Variants in STAG1 observed in about 807,000 individuals in gnomAD.
The protein encoded by STAG1 is STAG1 cohesin complex component.
A neutral mutation model predicts 170.9 loss-of-function variants in STAG1; 26 were observed. The ratio of observed to expected loss-of-function variants is 0.15; its 90% confidence interval spans 0.11 to 0.21. The LOEUF (loss-of-function observed/expected upper bound fraction) is 0.21. STAG1 is among the 10% of genes least tolerant of loss of function. The pLI, the probability that STAG1 is intolerant of heterozygous loss-of-function variation, is 1.00. For synonymous variants in STAG1, 514 were observed against 497.7 expected, an observed-to-expected ratio of 1.03 and a Z score of -0.44; for missense variants, 964 against 1,509.5, an observed-to-expected ratio of 0.64 and a Z score of 5.99.
chr3:136,737,090 A>T, intron 1 of STAG1: 1 of 960,642 alleles, frequency 1.0e-6, no homozygotes, highest in Admixed American at 1.7e-5. Flanking sequence ...AGTAAGAGGA[A>T]CCAGGACAGG....
intron 10 of STAG1, among the ~76,000 whole-genome samples, chr3:136,473,950 G>C (rs2089684347): frequency 6.6e-6 from 1 of 152,052 alleles, no homozygotes; most frequent in Non-Finnish European, 1.5e-5. Context: ...CTATAATTAG[G>C]GAAAAGTATG....
At chr3:136,573,123 G>C (rs867314902) in intron 4 of STAG1, among the ~76,000 whole-genome samples, 9 of 151,564 alleles carry the variant, frequency 5.9e-5, no homozygotes, top group Middle Eastern at 3.4e-3. Context: ...AGGTTGCAAT[G>C]AACTGTGATC....
chr3:136,475,751 C>T (rs2089733178), intron 10 of STAG1, among the ~76,000 whole-genome samples: 1 of 152,130 alleles, frequency 6.6e-6, no homozygotes, highest in South Asian at 2.1e-4. Flanking sequence ...CTGGAGGGAG[C>T]AGAGCAAATA....
At chr3:136,703,857 AAAT>A (rs2107911079) in intron 1 of STAG1, among the ~76,000 whole-genome samples, 1 of 151,856 alleles carries the variant, frequency 6.6e-6, no homozygotes, top group South Asian at 2.1e-4. Context: ...TAAAAATACA[AAAT>A]AATTAGCCAG....
chr3:136,499,039 T>C (rs1304818509), intron 9 of STAG1, among the ~76,000 whole-genome samples: 1 of 152,210 alleles, frequency 6.6e-6, no homozygotes, highest in Non-Finnish European at 1.5e-5. Flanking sequence ...GTAATCTGCA[T>C]ATTCAACAAG....
intron 1 of STAG1, among the ~76,000 whole-genome samples, chr3:136,704,583 T>C (rs1346764752): frequency 1.3e-5 from 2 of 151,628 alleles, no homozygotes; most frequent in African/African-American, 2.4e-5. Context: ...ATCCCAGCAC[T>C]TTGGGAGGCC....
chr3:136,708,779 G>C (rs1250713406), intron 1 of STAG1, among the ~76,000 whole-genome samples: 1 of 151,848 alleles, frequency 6.6e-6, no homozygotes, highest in East Asian at 1.9e-4. Context: ...CATCCCATTC[G>C]TCAACAAGTT....
chr3:136,405,566 A>G (rs1028844316), intron 21 of STAG1, among the ~76,000 whole-genome samples: 8 of 151,676 alleles, frequency 5.3e-5, no homozygotes, highest in African/African-American at 1.9e-4. Context: ...ATTAGGAAAA[A>G]TATGTTAGGC....
chr3:136,673,144 T>C (rs1005819109), intron 1 of STAG1, among the ~76,000 whole-genome samples: 11 of 152,234 alleles, frequency 7.2e-5, no homozygotes, highest in African/African-American at 9.6e-5. Flanking sequence ...TTCAAAGAAA[T>C]AGGGTAAACC....
chr3:136,467,752 G>C (rs1376209521), intron 12 of STAG1, among the ~76,000 whole-genome samples: 1 of 152,046 alleles, frequency 6.6e-6, no homozygotes, highest in Non-Finnish European at 1.5e-5. Context: ...TGACCACATA[G>C]TTGGAAGTAA....
Position 136,344,309 on chromosome 3 carries a change from T to C in STAG1, c.3272-303A>G, listed in dbSNP as rs116299191. ...TCATCTCTTTAAGTCCCTCCATCTC[T>C]AAAGATTCATTCATCCTAGAAGGGG... is the stretch of plus-strand genomic sequence containing the variant. On this transcript the variant is annotated intron_variant, in intron 29 of 33. Transcript: ENST00000383202. Among the ~76,000 whole-genome samples the C allele has an allele frequency of 5.7e-3, 863 of 152,268 alleles. 7 individuals are homozygous for C. Among genetic ancestry groups the C allele is most frequent in the African/African-American group, 0.019 (805 of 41,562 alleles).
chr3:136,473,525 T>G lies in STAG1; in HGVS notation c.1125+14A>C. The stretch of plus-strand genomic sequence containing the variant: ...AGAGAAAAATTAAATAAGCTTATCA[T>G]TCTTGATGCTTACCTTGAATCGGTT... On this transcript the variant is annotated intron_variant, in intron 11 of 33. Coordinates refer to ENST00000383202, the MANE Select transcript of STAG1 (RefSeq NM_005862.3). 1 of 1,568,778 alleles carries G rather than the reference T, an allele frequency of 6.4e-7. No individual in the cohort carries two copies. Among genetic ancestry groups the G allele is most frequent in the Non-Finnish European group, 8.7e-7 (1 of 1,144,900 alleles).
intron 3 of STAG1, among the ~76,000 whole-genome samples, chr3:136,607,221 T>C (rs1939831460): frequency 6.6e-6 from 1 of 152,182 alleles, no homozygotes; most frequent in Admixed American, 6.5e-5. Flanking sequence ...TCACTATGTA[T>C]AGCCCACATT....
chr3:136,517,787 A>C (rs987148712), intron 7 of STAG1, among the ~76,000 whole-genome samples: 1 of 152,100 alleles, frequency 6.6e-6, no homozygotes, highest in Non-Finnish European at 1.5e-5. Flanking sequence ...AGCTATTTCA[A>C]ATAAAAATAA....
intron 4 of STAG1, among the ~76,000 whole-genome samples, chr3:136,583,090 G>T (rs1937628929): frequency 6.6e-6 from 1 of 152,084 alleles, no homozygotes; most frequent in African/African-American, 2.4e-5. Flanking sequence ...ATATTGAAAT[G>T]AATTATTTTG....
chr3:136,415,764 G>A (rs947978385), intron 21 of STAG1, among the ~76,000 whole-genome samples: 10 of 152,198 alleles, frequency 6.6e-5, no homozygotes, highest in Non-Finnish European at 2.9e-5. Context: ...GGAGGTCACA[G>A]TGAGCTGAGA....
At chr3:136,365,107 T>G (rs906969249) in intron 25 of STAG1, among the ~76,000 whole-genome samples, 2 of 152,190 alleles carry the variant, frequency 1.3e-5, no homozygotes, top group Non-Finnish European at 2.9e-5. Flanking sequence ...TGAATAGAAG[T>G]GTCCCTGAAA....
chr3:136,510,745 G>C (rs1234514739), intron 7 of STAG1, among the ~76,000 whole-genome samples: 4 of 151,740 alleles, frequency 2.6e-5, no homozygotes, highest in Non-Finnish European at 4.4e-5. Context: ...CAGAGTAGCT[G>C]GGATTACAGG....
chr3:136,566,542 A>C (rs575698499), intron 5 of STAG1, among the ~76,000 whole-genome samples: 3 of 152,366 alleles, frequency 2.0e-5, no homozygotes, highest in Non-Finnish European at 4.4e-5. Context: ...CTTGTATATT[A>C]CGTGAACTTC....
Sources: allele counts gnomAD v4.1 joint callset (sites outside exome capture counted in the v4.1 genomes callset), GRCh38; gene constraint gnomAD v4.1.1; transcripts MANE v1.5; gene names NCBI Gene and HGNC (gene_info 2026-07-23, HGNC 2026-07-21).